ENTREP2: variants seen among roughly 807,000 people sequenced by gnomAD.
ENTREP2 encodes endosomal transmembrane epsin interactor 2, also known as protein ENTREP2.
the ENTREP2 span, among the ~76,000 whole-genome samples, chr15:29,241,811 T>G: frequency 2.6e-5 from 4 of 152,102 alleles, no homozygotes; most frequent in East Asian, 7.7e-4. Flanking sequence ...GGCCGGAGGA[T>G]CAGTTGAGGC....
chr15:29,134,517 A>T, the ENTREP2 span, among the ~76,000 whole-genome samples: 3 of 152,248 alleles, frequency 2.0e-5, no homozygotes, highest in South Asian at 6.2e-4. Flanking sequence ...ACCACAAGCC[A>T]CCCTGAAGGA....
the ENTREP2 span, among the ~76,000 whole-genome samples, chr15:29,640,924 G>C: frequency 6.6e-6 from 1 of 152,062 alleles, no homozygotes; most frequent in African/African-American, 2.4e-5. Context: ...CAAAAATTCT[G>C]AACAAATTAC....
At chr15:29,578,090 A>G in the ENTREP2 span, among the ~76,000 whole-genome samples, 1 of 152,340 alleles carries the variant, frequency 6.6e-6, no homozygotes, top group African/African-American at 2.4e-5. Flanking sequence ...ATTTTATATT[A>G]TGTATATTTT....
chr15:29,265,262 T>C, the ENTREP2 span: 2 of 152,212 alleles, frequency 1.3e-5, no homozygotes, highest in African/African-American at 4.8e-5. Flanking sequence ...TTCTTTTCAA[T>C]AATATATTGC....
chr15:29,483,343 C>T, the ENTREP2 span, among the ~76,000 whole-genome samples: 2 of 152,134 alleles, frequency 1.3e-5, 1 homozygote, highest in South Asian at 4.1e-4. Flanking sequence ...TAAGGAAGTC[C>T]AGCTTACCAA....
At chr15:29,327,020 A>G in the ENTREP2 span, among the ~76,000 whole-genome samples, 1 of 152,134 alleles carries the variant, frequency 6.6e-6, no homozygotes, top group African/African-American at 2.4e-5. Flanking sequence ...TGCAAAAAAA[A>G]AGAAACCTAG....
At chr15:29,577,346 G>GTA in the ENTREP2 span, among the ~76,000 whole-genome samples, 39 of 135,272 alleles carry the variant, frequency 2.9e-4, no homozygotes, top group African/African-American at 1.1e-3. Flanking sequence ...GTGTGTGTGT[G>GTA]TGTGAGAGAG....
chr15:29,131,317 C>A, the ENTREP2 span, among the ~76,000 whole-genome samples: 1 of 151,906 alleles, frequency 6.6e-6, no homozygotes, highest in Non-Finnish European at 1.5e-5. Context: ...TGCTCCTGGA[C>A]TCTGCTGGTC....
the ENTREP2 span, among the ~76,000 whole-genome samples, chr15:29,520,323 T>G: frequency 0.36 from 54,193 of 152,070 alleles, 9,726 homozygotes; most frequent in East Asian, 0.42. Context: ...GATATACATT[T>G]TTAAAAGTCT....
the ENTREP2 span, among the ~76,000 whole-genome samples, chr15:29,562,615 C>T: frequency 6.6e-6 from 1 of 152,088 alleles, no homozygotes; most frequent in Non-Finnish European, 1.5e-5. Flanking sequence ...CAAAAAATTT[C>T]CAGAAAACAA....
At chr15:29,267,481 C>T in the ENTREP2 span, 2 of 152,308 alleles carry the variant, frequency 1.3e-5, no homozygotes, top group African/African-American at 2.4e-5. Context: ...ACCCCCACAA[C>T]CACCATGCTG....
At chr15:29,491,168 G>A in the ENTREP2 span, among the ~76,000 whole-genome samples, 95 of 152,186 alleles carry the variant, frequency 6.2e-4, no homozygotes, top group East Asian at 1.2e-3. Context: ...TGGCCACTCC[G>A]AGTGTGGGGC....
the ENTREP2 span, among the ~76,000 whole-genome samples, chr15:29,144,013 C>G: frequency 6.6e-6 from 1 of 152,150 alleles, no homozygotes; most frequent in African/African-American, 2.4e-5. Flanking sequence ...TGACTTTAAA[C>G]CACCGCAGGA....
chr15:29,483,700 C>T, the ENTREP2 span, among the ~76,000 whole-genome samples: 2 of 152,236 alleles, frequency 1.3e-5, no homozygotes, highest in Admixed American at 6.5e-5. Context: ...GTGTTGAAGT[C>T]GAGTATTGTT....
chr15:29,543,997 T>C, the ENTREP2 span, among the ~76,000 whole-genome samples: 9 of 151,806 alleles, frequency 5.9e-5, no homozygotes, highest in Non-Finnish European at 1.3e-4. Context: ...TGAATACAAC[T>C]GTATTTTATA....
the ENTREP2 span, among the ~76,000 whole-genome samples, chr15:29,142,239 C>T: frequency 6.6e-6 from 1 of 152,204 alleles, no homozygotes; most frequent in South Asian, 2.1e-4. Flanking sequence ...GAAATACACC[C>T]AGACAGGACA....
At chr15:29,350,934 C>T in the ENTREP2 span, among the ~76,000 whole-genome samples, 15 of 151,844 alleles carry the variant, frequency 9.9e-5, no homozygotes, top group Admixed American at 9.2e-4. Context: ...AGTGAGACTC[C>T]GTCTAAAATA....
At chr15:29,339,001 G>A in the ENTREP2 span, among the ~76,000 whole-genome samples, 1 of 152,148 alleles carries the variant, frequency 6.6e-6, no homozygotes, top group Non-Finnish European at 1.5e-5. Flanking sequence ...TGGATGGGGT[G>A]GGGTTTTATG....
At chr15:29,627,467 T>C in the ENTREP2 span, among the ~76,000 whole-genome samples, 1 of 150,142 alleles carries the variant, frequency 6.7e-6, no homozygotes, top group Non-Finnish European at 1.5e-5. Context: ...TGCTTGAACC[T>C]GAGAGGCGGA....
Sources: allele counts gnomAD v4.1 joint callset (sites outside exome capture counted in the v4.1 genomes callset), GRCh38; gene constraint gnomAD v4.1.1; transcripts MANE v1.5; gene names NCBI Gene and HGNC (gene_info 2026-07-23, HGNC 2026-07-21).